Variants in RRAGD observed in about 807,000 individuals in gnomAD.
RRAGD encodes Ras related GTP binding D.
A neutral mutation model predicts 35.5 loss-of-function variants in RRAGD; 12 were observed. The ratio of observed to expected loss-of-function variants is 0.34; its 90% confidence interval spans 0.22 to 0.55. RRAGD has a LOEUF of 0.55. Ranked by LOEUF, RRAGD falls within the 20% of genes least tolerant of loss-of-function variation. The probability of loss-of-function intolerance (pLI) is 0.91; values close to 1 mark genes in which losing one functional copy is unlikely to be tolerated. For missense variants in RRAGD, 324 were observed against 490.1 expected (o/e 0.66, Z 3.20); for synonymous variants, 155 against 178.9 (o/e 0.87, Z 1.07).
chr6:89,367,433 A>C lies in RRAGD; in HGVS notation c.*623T>G, dbSNP rs568898463. The C allele has an allele frequency of 5.9e-5, 9 of 152,322 alleles. No individual in the cohort carries two copies. Among genetic ancestry groups the C allele is most frequent in the African/African-American group, 2.2e-4 (9 of 41,576 alleles). 9.4% of individuals were successfully genotyped at this position (152,322 alleles called of 1,614,324 possible). A position where few individuals can be genotyped will look rare whatever the true frequency, so the allele number is the denominator to read the frequency against. The stretch of plus-strand genomic sequence containing the variant: ...AGGGAAGCACAGCCACTGCTATAGA[A>C]ATTTTTAGGTAAGTCTGGTGCTAGC... On this transcript the variant is annotated 3_prime_UTR_variant, in exon 7 of 7. Transcript: ENST00000369415.
rs766030327 is a variant in RRAGD, at chr6:89,384,100, TA to T, written c.444+3194del. 6.8e-3 allele frequency among the ~76,000 whole-genome samples: 900 copies of T among 131,908 alleles called. 3 individuals are homozygous for T. Among genetic ancestry groups the T allele is most frequent in the Middle Eastern group, 0.011 (3 of 266 alleles). The allele number at this position is 131,908 out of a possible 152,430, so 86.5% of individuals were successfully genotyped here. Reference sequence around the variant, plus strand: ...CCTGGTGACAGAGTGAGACTCCATCTAAAAAAAAAAAAAAAGAAAGAAAGGA... The same window carrying T: ...CCTGGTGACAGAGTGAGACTCCATCTAAAAAAAAAAAAAAGAAAGAAAGGA... On this transcript the variant is annotated intron_variant, in intron 2 of 6. Coordinates refer to ENST00000369415, the MANE Select transcript of RRAGD (RefSeq NM_021244.5).
At chr6:89,369,587 TA>T (rs1768822616) in intron 6 of RRAGD, among the ~76,000 whole-genome samples, 1 of 152,128 alleles carries the variant, frequency 6.6e-6, no homozygotes, top group Non-Finnish European at 1.5e-5. Context: ...GAATTTTTCC[TA>T]GAGATGAGGT....
chr6:89,400,677 G>T (rs1035658641), intron 1 of RRAGD, among the ~76,000 whole-genome samples: 4 of 151,806 alleles, frequency 2.6e-5, no homozygotes, highest in African/African-American at 9.7e-5. Flanking sequence ...TAGAGGCAGT[G>T]AGCTTATGCC....
chr6:89,388,255 T>C (rs1769169853), intron 1 of RRAGD, among the ~76,000 whole-genome samples: 1 of 152,148 alleles, frequency 6.6e-6, no homozygotes, highest in Non-Finnish European at 1.5e-5. Flanking sequence ...CGATTAAAAT[T>C]AGAAATTCAA....
At chr6:89,377,160 T>G (rs893211197) in intron 5 of RRAGD, among the ~76,000 whole-genome samples, 3 of 152,230 alleles carry the variant, frequency 2.0e-5, no homozygotes, top group Admixed American at 6.5e-5. Context: ...TCATTCATGT[T>G]ATTGGTAAGG....
intron 1 of RRAGD, among the ~76,000 whole-genome samples, chr6:89,390,400 CAT>C (rs1214844416): frequency 1.3e-5 from 2 of 152,170 alleles, no homozygotes; most frequent in Non-Finnish European, 2.9e-5. Flanking sequence ...GGCCAATACA[CAT>C]ATGAAAAGGT....
intron 4 of RRAGD, among the ~76,000 whole-genome samples, chr6:89,378,431 A>T (rs1303536018): frequency 6.6e-6 from 1 of 152,230 alleles, no homozygotes; most frequent in Non-Finnish European, 1.5e-5. Flanking sequence ...ACTTTTACTG[A>T]CTGTAAATTT....
chr6:89,382,271 C>T (rs997899303), intron 2 of RRAGD, among the ~76,000 whole-genome samples: 7 of 151,854 alleles, frequency 4.6e-5, no homozygotes, highest in African/African-American at 1.7e-4. Context: ...CCTTCACACT[C>T]TACAGAGTTG....
rs543639016 is a variant in RRAGD, at chr6:89,365,517, C to T, written c.*2539G>A. The T allele has an allele frequency of 6.6e-6, 1 of 152,310 alleles. No individual in the cohort carries two copies. Among genetic ancestry groups the T allele is most frequent in the Non-Finnish European group, 1.5e-5 (1 of 68,026 alleles). The allele number at this position is 152,310 out of a possible 1,614,324, so 9.4% of individuals were successfully genotyped here. On this transcript the variant is annotated 3_prime_UTR_variant, in exon 7 of 7. Coordinates refer to ENST00000369415, the MANE Select transcript of RRAGD (RefSeq NM_021244.5). ...AATGACTTGAAGACATTTCCAATAA[C>T]ACAGATTTGAAAAACTGAACGCTTA...
intron 5 of RRAGD, 103 bp downstream of exon 5, chr6:89,377,568 G>T: frequency 9.3e-7 from 1 of 1,072,834 alleles, no homozygotes; most frequent in Non-Finnish European, 1.3e-6. Context: ...AGTCATTTAA[G>T]ACAAAAATGT....
rs1562472922 is a variant in RRAGD at position 89,412,039 on chromosome 6, TG to T, written c.-47del. ...CCCGGGGACGGCGGGGGTCCCGGGG[TG>T]GGGGCCAAGCCTCCTAGCCGGCCGC... On this transcript the variant is annotated 5_prime_UTR_variant, in exon 1 of 7. Transcript: ENST00000369415. This position sits in a 1 kb window ranked among gnomAD's most constrained non-coding sequence, Gnocchi z 4.2. 1 of 1,506,012 alleles carries T rather than the reference TG, an allele frequency of 6.6e-7. No individual in the cohort carries two copies. The highest frequency in any genetic ancestry group is 8.8e-7 in the Non-Finnish European group (1 of 1,131,830). 93.3% of individuals were successfully genotyped at this position (1,506,012 alleles called of 1,614,324 possible). A position where few individuals can be genotyped will look rare whatever the true frequency, so the allele number is the denominator to read the frequency against.
At chr6:89,385,136 C>T (rs1769118590) in intron 2 of RRAGD, among the ~76,000 whole-genome samples, 1 of 152,116 alleles carries the variant, frequency 6.6e-6, no homozygotes, top group Admixed American at 6.6e-5. Context: ...TGAAGGTCTG[C>T]CTTCAATTTA....
At chr6:89,408,728 G>C (rs1435225528) in intron 1 of RRAGD, among the ~76,000 whole-genome samples, 1 of 152,154 alleles carries the variant, frequency 6.6e-6, no homozygotes, top group Non-Finnish European at 1.5e-5. Flanking sequence ...AAAAATGGGA[G>C]GGGTTTTGGG....
chr6:89,385,375 A>G (rs1769122553), intron 2 of RRAGD, among the ~76,000 whole-genome samples: 1 of 152,196 alleles, frequency 6.6e-6, no homozygotes, highest in Non-Finnish European at 1.5e-5. Flanking sequence ...CAACAACTAC[A>G]GAAACAGCTG....
intron 1 of RRAGD, among the ~76,000 whole-genome samples, chr6:89,398,564 G>A (rs1160498732): frequency 6.6e-6 from 1 of 152,206 alleles, no homozygotes; most frequent in Non-Finnish European, 1.5e-5. Flanking sequence ...GCAGGCAGGA[G>A]CTCCTCCAGA....
Position 89,411,721 on chromosome 6 carries a change from T to A in RRAGD, c.148+125A>T. The A allele has an allele frequency of 4.5e-5, 45 of 1,006,938 alleles. No homozygotes were observed. Among genetic ancestry groups the A allele is most frequent in the East Asian group, 1.6e-4 (5 of 30,698 alleles). 62.4% of individuals were successfully genotyped at this position (1,006,938 alleles called of 1,614,324 possible). On this transcript the variant is annotated intron_variant, in intron 1 of 6. Coordinates refer to ENST00000369415, the MANE Select transcript of RRAGD (RefSeq NM_021244.5). The surrounding 1 kb of genome is among the most constrained non-coding windows in gnomAD (Gnocchi z 5.6). ...TGGCGTCCCTCCCCACCCCAAACCCTCAACTGGACCCGCTCCCCTGGACCC... is the reference window on the plus strand; with the variant it reads ...TGGCGTCCCTCCCCACCCCAAACCCACAACTGGACCCGCTCCCCTGGACCC...
chr6:89,403,745 C>T (rs1430669837), intron 1 of RRAGD, among the ~76,000 whole-genome samples: 3 of 150,800 alleles, frequency 2.0e-5, no homozygotes, highest in African/African-American at 7.3e-5. Context: ...AGTGATCCTT[C>T]TGCCTCAGCC....
chr6:89,400,668 A>T lies in RRAGD; in HGVS notation c.148+11178T>A, dbSNP rs1562464222. Among the ~76,000 whole-genome samples, 3 of 151,650 alleles carry T rather than the reference A, an allele frequency of 2.0e-5. No homozygotes were observed. In the South Asian group the frequency reaches 6.2e-4, roughly 32 times the overall value. On this transcript the variant is annotated intron_variant, in intron 1 of 6. Transcript: ENST00000369415. ...GGTCTCACTCTACAATAGGCATGGT[A>T]GAGGCAGTGAGCTTATGCCAGGAAG...
Position 89,411,502 on chromosome 6 carries a change from T to TC in RRAGD, c.148+343dup. 3.6e-6 allele frequency: 1 copy of TC among 274,226 alleles called. No homozygotes were observed. Among genetic ancestry groups the TC allele is most frequent in the African/African-American group, 2.2e-5 (1 of 44,644 alleles). The allele number at this position is 274,226 out of a possible 1,614,324, so 17.0% of individuals were successfully genotyped here. ...GTCCCAGGGCGCGCCCGCGGTCCCC[T>TC]CCCCTCCCCAACCGCCAGACGCTGC... On this transcript the variant is annotated intron_variant, in intron 1 of 6. Coordinates refer to ENST00000369415, the MANE Select transcript of RRAGD (RefSeq NM_021244.5). This position sits in a 1 kb window ranked among gnomAD's most constrained non-coding sequence, Gnocchi z 5.6.
Sources: allele counts gnomAD v4.1 joint callset (sites outside exome capture counted in the v4.1 genomes callset), GRCh38; gene constraint gnomAD v4.1.1; non-coding constraint Gnocchi (gnomAD v3.1); transcripts MANE v1.5; gene names NCBI Gene and HGNC (gene_info 2026-07-23, HGNC 2026-07-21).